SLC13A4: variants seen among roughly 807,000 people sequenced by gnomAD.
The protein encoded by SLC13A4 is solute carrier family 13 member 4.
SLC13A4 carries 28 observed loss-of-function variants against 72.7 expected under a neutral mutation model. That is an observed-to-expected ratio of 0.39 (90% CI 0.29 to 0.53). The LOEUF (loss-of-function observed/expected upper bound fraction) is 0.53. Ranked by LOEUF, SLC13A4 falls within the 20% of genes least tolerant of loss-of-function variation. The pLI, the probability that SLC13A4 is intolerant of heterozygous loss-of-function variation, is 0.78. For synonymous variants in SLC13A4, 312 were observed against 325.5 expected, an observed-to-expected ratio of 0.96 and a Z score of 0.45; for missense variants, 653 against 788.0, an observed-to-expected ratio of 0.83 and a Z score of 2.05.
chr7:135,692,408 T>G lies in SLC13A4; in HGVS notation c.1138A>C (p.Thr380Pro), dbSNP rs754435340. 4.3e-6 allele frequency: 7 copies of G among 1,612,452 alleles called. No individual in the cohort carries two copies. In the African/African-American group the frequency reaches 8.0e-5, roughly 18 times the overall value. Reference sequence around the variant, plus strand: ...GTCATCAGGATGAAGAAAAATCCAGTCACCATTTCTGGGTAGCTATAAAAT... The same window carrying G: ...GTCATCAGGATGAAGAAAAATCCAGGCACCATTTCTGGGTAGCTATAAAAT... ...LGDISYPEMVTGFFFILMTVL... is the reference protein window; with the variant it reads ...LGDISYPEMVPGFFFILMTVL... The change falls in exon 11 of 16, where the codon ACT becomes CCT. Residue 380 changes from threonine to proline, a missense_variant. Coordinates refer to ENST00000682651, the MANE Select transcript of SLC13A4 (RefSeq NM_001318192.2).
chr7:135,717,685 G>A (rs1449909412), intron 2 of SLC13A4, among the ~76,000 whole-genome samples: 1 of 152,188 alleles, frequency 6.6e-6, no homozygotes, highest in Admixed American at 6.5e-5. Context: ...ATGTACTTGT[G>A]ATGGTTAACT....
chr7:135,724,060 T>C (rs1039312807), intron 1 of SLC13A4, among the ~76,000 whole-genome samples: 4 of 152,218 alleles, frequency 2.6e-5, no homozygotes, highest in African/African-American at 9.6e-5. Flanking sequence ...TAACTCCAGT[T>C]GAAGAGAAAG....
intron 2 of SLC13A4, among the ~76,000 whole-genome samples, chr7:135,715,349 GTGTGTATGAGTGTA>G (rs1193105033): frequency 2.7e-5 from 4 of 147,890 alleles, no homozygotes; most frequent in Non-Finnish European, 5.9e-5. Context: ...ATATGTGAGC[GTGTGTATGAGTGTA>G]TGTGTATGAG....
intron 13 of SLC13A4, chr7:135,688,903 G>A (rs1452295602): frequency 1.3e-5 from 2 of 151,382 alleles, no homozygotes; most frequent in Non-Finnish European, 2.9e-5. Context: ...TTTGGTGGCA[G>A]GGGATAGGGT....
At chr7:135,720,554 T>TAAA (rs33993859) in intron 2 of SLC13A4, among the ~76,000 whole-genome samples, 2 of 124,238 alleles carry the variant, frequency 1.6e-5, no homozygotes, top group African/African-American at 3.2e-5. Context: ...GCTTTTTCAT[T>TAAA]AAAAAAAAAA....
At position 135,681,482 on chromosome 7, in the gene SLC13A4, C is replaced by G; in HGVS notation, c.*81G>C. ...CTGGGGTTGTGTGCTCCTGGTGGTC[C>G]TAGTGGTTTTCTTTGCCTGTGGTCC... On this transcript the variant is annotated 3_prime_UTR_variant, in exon 16 of 16. Transcript: ENST00000682651. 7.1e-6 allele frequency: 11 copies of G among 1,543,090 alleles called. No individual in the cohort carries two copies. Among genetic ancestry groups the G allele is most frequent in the Non-Finnish European group, 9.7e-6 (11 of 1,137,098 alleles).
chr7:135,684,085 G>T lies in SLC13A4; in HGVS notation c.1746+39C>A, dbSNP rs778005873. 19 of 1,559,144 alleles carry T rather than the reference G, an allele frequency of 1.2e-5. No homozygotes were observed. The East Asian group carries it at 4.3e-4, about 36-fold the overall frequency. ...GCAGAGCTGTCATCCCTGTCCTCAT[G>T]GCAGCTGGGCCTGGCAGGGAGAGGG... On this transcript the variant is annotated intron_variant, in intron 15 of 15. Coordinates refer to ENST00000682651, the MANE Select transcript of SLC13A4 (RefSeq NM_001318192.2).
intron 2 of SLC13A4, among the ~76,000 whole-genome samples, chr7:135,719,311 GA>G (rs1211060683): frequency 6.6e-6 from 1 of 152,216 alleles, no homozygotes; most frequent in Non-Finnish European, 1.5e-5. Context: ...CTGTCTGCTT[GA>G]AAGCTAAGGC....
intron 5 of SLC13A4, chr7:135,704,791 T>A (rs1463558396): frequency 6.6e-6 from 1 of 152,182 alleles, no homozygotes; most frequent in Non-Finnish European, 1.5e-5. Context: ...ATGCTATGAT[T>A]GAAGATAGTG....
chr7:135,710,078 G>T (rs1796263842), intron 2 of SLC13A4, among the ~76,000 whole-genome samples: 1 of 152,184 alleles, frequency 6.6e-6, no homozygotes, highest in Non-Finnish European at 1.5e-5. Flanking sequence ...GAGAGGAAAA[G>T]CTATAGAAAA....
At chr7:135,717,962 C>T (rs1482168379) in intron 2 of SLC13A4, among the ~76,000 whole-genome samples, 1 of 152,084 alleles carries the variant, frequency 6.6e-6, no homozygotes, top group Non-Finnish European at 1.5e-5. Context: ...GTTCTTAGGC[C>T]TTTGGACTCA....
chr7:135,699,868 C>T (rs754488406), intron 7 of SLC13A4, among the ~76,000 whole-genome samples: 10 of 152,164 alleles, frequency 6.6e-5, no homozygotes, highest in Non-Finnish European at 1.3e-4. Context: ...TTATTATTGA[C>T]AGCATGGGTT....
intron 5 of SLC13A4, 50 bp downstream of exon 5, chr7:135,705,546 C>T (rs750353382): frequency 1.3e-6 from 2 of 1,574,438 alleles, no homozygotes; most frequent in South Asian, 1.1e-5. Flanking sequence ...TTTCTGACCT[C>T]CCCTATGGAC....
At chr7:135,724,485 T>G (rs1215143985) in intron 1 of SLC13A4, among the ~76,000 whole-genome samples, 2 of 111,950 alleles carry the variant, frequency 1.8e-5, no homozygotes, top group African/African-American at 3.7e-5. Context: ...AGTGACAGAG[T>G]GAGACTCTGT....
At chr7:135,715,498 T>G (rs1190303587) in intron 2 of SLC13A4, among the ~76,000 whole-genome samples, 1 of 137,658 alleles carries the variant, frequency 7.3e-6, no homozygotes, top group Non-Finnish European at 1.6e-5. Flanking sequence ...TGAGTGGGTG[T>G]GTAGGAGTGT....
At chr7:135,699,336 A>C (rs1795978067) in intron 8 of SLC13A4, 28 bp downstream of exon 8, 1 of 1,586,968 alleles carries the variant, frequency 6.3e-7, no homozygotes, top group Admixed American at 1.7e-5. Context: ...TGGTTAGTAA[A>C]TATTTGTTGA....
rs757814165 is a variant in SLC13A4, at chr7:135,721,368, A to G, written c.228+27T>C. The G allele has an allele frequency of 3.7e-6, 6 of 1,612,704 alleles. No homozygotes were observed. The East Asian group carries it at 1.3e-4, about 36-fold the overall frequency. On this transcript the variant is annotated intron_variant, in intron 2 of 15. Transcript: ENST00000682651. ...TCAGGGGCCCTGCAGGGACCCAGGC[A>G]GGGGGTGGGGCTACAAGTAGTCTAA...
intron 10 of SLC13A4, chr7:135,693,328 G>A (rs967339680): frequency 7.2e-5 from 11 of 152,072 alleles, no homozygotes; most frequent in Admixed American, 5.9e-4. Flanking sequence ...TGTACTGAGA[G>A]TACAAAGTTG....
At chr7:135,683,682 G>A in intron 15 of SLC13A4, 12 of 985,358 alleles carry the variant, frequency 1.2e-5, no homozygotes, top group African/African-American at 1.7e-5. Context: ...CGGGGTGGAG[G>A]GTGAGTTGAG....
Sources: gnomAD v4.1 joint callset for allele counts (sites outside exome capture counted in the v4.1 genomes callset) on GRCh38, gnomAD v4.1.1 for gene constraint, MANE v1.5 for transcripts, NCBI Gene and HGNC (gene_info 2026-07-23, HGNC 2026-07-21) for gene names.